The following VPS8 variants were observed in gnomAD, a reference collection of about 807,000 sequenced individuals.
VPS8 encodes VPS8 subunit of CORVET complex.
VPS8 carries 129 observed loss-of-function variants against 216.4 expected under a neutral mutation model. The ratio of observed to expected loss-of-function variants is 0.60; its 90% CI spans 0.52 to 0.69. The LOEUF (loss-of-function observed/expected upper bound fraction) is 0.69, where lower values mean the gene tolerates loss of function less well. Among genes scored for constraint, VPS8 ranks in the 30% least tolerant of loss-of-function variants. The probability of loss-of-function intolerance (pLI) is 0.00; values close to 1 mark genes in which losing one functional copy is unlikely to be tolerated. For synonymous variants in VPS8, 571 were observed against 565.4 expected (o/e 1.01, Z -0.14); for missense variants, 1,531 against 1,683.5 (o/e 0.91, Z 1.59).
intron 5 of VPS8, among the ~76,000 whole-genome samples, chr3:184,838,116 T>G (rs1721463713): frequency 6.6e-6 from 1 of 152,226 alleles, no homozygotes; most frequent in Non-Finnish European, 1.5e-5. Flanking sequence ...GTGCAGTATT[T>G]GCTATTTCTT....
At chr3:184,936,515 C>CTGTGTGTGTG (rs59011109) in intron 35 of VPS8, among the ~76,000 whole-genome samples, 180 bp downstream of exon 35, 2,523 of 119,336 alleles carry the variant, frequency 0.021, 68 homozygotes, top group Middle Eastern at 0.031. Context: ...CAACCTAATA[C>CTGTGTGTGTG]TGTGTGTGTG....
intron 45 of VPS8, among the ~76,000 whole-genome samples, chr3:185,005,387 A>G (rs913335093): frequency 6.6e-6 from 1 of 151,998 alleles, no homozygotes; most frequent in Non-Finnish European, 1.5e-5. Context: ...GAATTTTAGG[A>G]TGTTTTTTCT....
chr3:185,016,991 C>G (rs376314193), intron 45 of VPS8, among the ~76,000 whole-genome samples: 3 of 151,988 alleles, frequency 2.0e-5, no homozygotes, highest in African/African-American at 7.2e-5. Flanking sequence ...GCGGTTCCTT[C>G]AAACCTTGTA....
chr3:184,983,910 C>T (rs942249149), intron 42 of VPS8, among the ~76,000 whole-genome samples: 1 of 151,274 alleles, frequency 6.6e-6, no homozygotes, highest in Non-Finnish European at 1.5e-5. Context: ...CTTGGCCGGG[C>T]GTGGTGGCTC....
chr3:184,907,777 C>T (rs999478706), intron 25 of VPS8, among the ~76,000 whole-genome samples: 16 of 152,312 alleles, frequency 1.1e-4, no homozygotes, highest in African/African-American at 3.8e-4. Context: ...GTCCCTCTCT[C>T]ACTTTAATCC....
Position 184,929,578 on chromosome 3 carries a change from A to G in VPS8, c.2715-2A>G. On this transcript the variant is annotated splice_acceptor_variant, in intron 32 of 47. Transcript: ENST00000625842. LOFTEE classifies it high-confidence loss of function. ...ACTGAAGTTTTTCCCTTTACATTCTAGCTATCAAATTTGTGAATTTATGTA... is the reference window on the plus strand; with the variant it reads ...ACTGAAGTTTTTCCCTTTACATTCTGGCTATCAAATTTGTGAATTTATGTA... 6.7e-7 allele frequency: 1 copy of G among 1,490,074 alleles called. No homozygotes were observed. The highest frequency in any genetic ancestry group is 9.1e-7 in the Non-Finnish European group (1 of 1,098,140). The allele number at this position is 1,490,074 out of a possible 1,614,324, so 92.3% of individuals were successfully genotyped here. A position where few individuals can be genotyped will look rare whatever the true frequency, so the allele number is the denominator to read the frequency against.
chr3:184,928,920 A>G (rs554372463), intron 32 of VPS8, among the ~76,000 whole-genome samples: 1 of 152,264 alleles, frequency 6.6e-6, no homozygotes, highest in East Asian at 1.9e-4. Flanking sequence ...CTACTTACCT[A>G]GTATGCTGTA....
chr3:184,901,137 A>T (rs1294606791), intron 25 of VPS8, 165 bp downstream of exon 25: 3 of 638,992 alleles, frequency 4.7e-6, no homozygotes, highest in Non-Finnish European at 2.7e-6. Flanking sequence ...AGCTTCTCAC[A>T]CTAAAAAGTT....
At chr3:184,978,900 A>G (rs1749740071) in intron 40 of VPS8, among the ~76,000 whole-genome samples, 1 of 152,078 alleles carries the variant, frequency 6.6e-6, no homozygotes, top group South Asian at 2.1e-4. Context: ...TAGATTGTTA[A>G]TTTGAGATCT....
Position 184,915,549 on chromosome 3 carries a change from AC to A in VPS8, c.2382+79del, listed in dbSNP as rs980683478. ...ATTTTTTGGCGGGGTGTGGTGGCTC[AC>A]CCCTGTAATCCCAACACTTTGGCCG... On this transcript the variant is annotated intron_variant, in intron 28 of 47. Transcript: ENST00000625842. 7 of 1,502,554 alleles carry A rather than the reference AC, an allele frequency of 4.7e-6. No homozygotes were observed. In the African/African-American group the frequency reaches 6.9e-5, roughly 15 times the overall value. 93.1% of individuals were successfully genotyped at this position (1,502,554 alleles called of 1,614,324 possible).
At chr3:184,922,262 G>C (rs750304117) in intron 29 of VPS8, among the ~76,000 whole-genome samples, 8 of 152,146 alleles carry the variant, frequency 5.3e-5, no homozygotes, top group Admixed American at 5.2e-4. Context: ...TTGATTAGTT[G>C]CTCCTTGTCT....
chr3:184,869,284 G>A (rs1264108422), intron 19 of VPS8, among the ~76,000 whole-genome samples, 198 bp from the exon 20 acceptor site: 1 of 152,218 alleles, frequency 6.6e-6, no homozygotes, highest in East Asian at 1.9e-4. Flanking sequence ...GAATGAAAGA[G>A]AAGTACATTG....
intron 5 of VPS8, among the ~76,000 whole-genome samples, chr3:184,836,940 T>A (rs1721204542): frequency 6.6e-6 from 1 of 152,236 alleles, no homozygotes; most frequent in Non-Finnish European, 1.5e-5. Context: ...AACTTTTTTT[T>A]AAGGATCTTT....
intron 22 of VPS8, among the ~76,000 whole-genome samples, chr3:184,887,148 G>A (rs1205408324): frequency 6.6e-6 from 1 of 152,092 alleles, no homozygotes. Flanking sequence ...TTTGAGACCA[G>A]CCTGGGTAAT....
rs1337024819 is a variant in VPS8 at position 184,994,017 on chromosome 3, T to C, written c.3620T>C (p.Ile1207Thr). ...TATGGAAAAGGAAAACTTGGAGAAA[T>C]CCAGGGACTTATCTTGGGAATGTTA... ...PVYGKGKLGE[I>T]QGLILGMLDT... Residue 1207 changes from isoleucine to threonine, a missense_variant, in exon 43 of 48, where the codon ATC (isoleucine) becomes ACC (threonine). Ile to Thr is a moderately conservative substitution (Grantham distance 89). Coordinates refer to ENST00000625842, the MANE Select transcript of VPS8 (RefSeq NM_001009921.3). The C allele has an allele frequency of 6.4e-7, 1 of 1,568,718 alleles. No homozygotes were observed. The highest frequency in any genetic ancestry group is 1.9e-5 in the Admixed American group (1 of 53,322).
In VPS8 at chr3:185,048,464, G is replaced by C; in HGVS notation, c.4057-15G>C. ...CCACGTGATGTTGTTAATCGTATCG[G>C]TTTTTATTTTTCAGGGAACCTCAGA... On this transcript the variant is annotated splice_polypyrimidine_tract_variant and intron_variant, in intron 46 of 47. Transcript: ENST00000625842. 1 of 1,613,886 alleles carries C rather than the reference G, an allele frequency of 6.2e-7. No individual in the cohort carries two copies.
rs765928456 is a variant in VPS8 at position 184,999,692 on chromosome 3, G to T, written c.3837-4G>T. 6.3e-7 allele frequency: 1 copy of T among 1,599,302 alleles called. No individual in the cohort carries two copies. Among genetic ancestry groups the T allele is most frequent in the African/African-American group, 1.4e-5 (1 of 73,944 alleles). The stretch of plus-strand genomic sequence containing the variant: ...AGTACAAATTGGTTGCCTTCGTTTT[G>T]CAGCTGTGGCCATTTGTATCACTCA... On this transcript the variant is annotated splice_region_variant and splice_polypyrimidine_tract_variant and intron_variant, in intron 44 of 47. Coordinates refer to ENST00000625842, the MANE Select transcript of VPS8 (RefSeq NM_001009921.3).
chr3:184,815,806 C>A lies in VPS8; in HGVS notation c.-89+3581C>A, dbSNP rs574079480. On this transcript the variant is annotated intron_variant, in intron 1 of 47. Transcript: ENST00000625842. Reference sequence around the variant, plus strand: ...CAGTTCAGCAAGACGCTTCCAGTTACTTCCTGCTCTTAAAAAAAAAAAAAA... The same window carrying A: ...CAGTTCAGCAAGACGCTTCCAGTTAATTCCTGCTCTTAAAAAAAAAAAAAA... 2.8e-5 allele frequency: 4 copies of A among 143,968 alleles called. No individual in the cohort carries two copies. In the East Asian group the frequency reaches 8.0e-4, roughly 29 times the overall value. 8.9% of individuals were successfully genotyped at this position (143,968 alleles called of 1,614,324 possible).
chr3:184,999,759 C>A lies in VPS8; in HGVS notation c.3900C>A (p.Gly1300=), dbSNP rs534385876. 2 of 1,613,214 alleles carry A rather than the reference C, an allele frequency of 1.2e-6. No homozygotes were observed. Among genetic ancestry groups the A allele is most frequent in the East Asian group, 4.5e-5 (2 of 44,858 alleles). ...AAGAATGCACTGTGGAATTTGAGGG[C>A]CAAACAAGATGGACATGCTACAAAT... ...QNKECTVEFE[G]QTRWTCYKCS... The change falls in exon 45 of 48, where the codon GGC becomes GGA. Residue 1300 remains glycine, a synonymous_variant. Coordinates refer to ENST00000625842, the MANE Select transcript of VPS8 (RefSeq NM_001009921.3).
Sources: allele counts gnomAD v4.1 joint callset (sites outside exome capture counted in the v4.1 genomes callset), GRCh38; gene constraint gnomAD v4.1.1; transcripts MANE v1.5; gene names NCBI Gene and HGNC (gene_info 2026-07-23, HGNC 2026-07-21).